PTPRD: variants seen among roughly 807,000 people sequenced by gnomAD.
PTPRD encodes the protein protein tyrosine phosphatase receptor type D, also known as receptor-type tyrosine-protein phosphatase delta.
In PTPRD, 34 loss-of-function variants were observed where a neutral mutation model predicts 214.5. The observed-to-expected ratio is 0.16, with a 90% CI of 0.12 to 0.21. The LOEUF (loss-of-function observed/expected upper bound fraction) is 0.21, where lower values mean the gene tolerates loss of function less well. Ranked by LOEUF, PTPRD falls within the 10% of genes least tolerant of loss-of-function variation. PTPRD has a pLI of 1.00. For missense variants in PTPRD, 2,545 were observed against 2,398.7 expected, an observed-to-expected ratio of 1.06 and a Z score of -1.27; for synonymous variants, 1,128 against 845.7, an observed-to-expected ratio of 1.33 and a Z score of -5.79.
At chr9:10,044,973 C>T (rs1459424375) in intron 3 of PTPRD, among the ~76,000 whole-genome samples, 1 of 151,614 alleles carries the variant, frequency 6.6e-6, no homozygotes, top group Non-Finnish European at 1.5e-5. Context: ...GAATCTCTTT[C>T]ATATTGCAGC....
chr9:10,230,086 A>G (rs2154355348), intron 3 of PTPRD, among the ~76,000 whole-genome samples: 1 of 152,114 alleles, frequency 6.6e-6, no homozygotes, highest in African/African-American at 2.4e-5. Context: ...CAGAGACCTC[A>G]TGGATAATAC....
intron 3 of PTPRD, among the ~76,000 whole-genome samples, chr9:10,159,557 C>G (rs145369212): frequency 6.6e-6 from 1 of 151,892 alleles, no homozygotes; most frequent in Non-Finnish European, 1.5e-5. Context: ...TATATGAACT[C>G]CTTGATAAAT....
intron 14 of PTPRD, among the ~76,000 whole-genome samples, chr9:8,559,555 G>A (rs12006485): frequency 1.3e-5 from 2 of 152,038 alleles, no homozygotes; most frequent in African/African-American, 2.4e-5. Context: ...TTCCCATCAT[G>A]AGGACAAAGT....
At chr9:10,039,401 T>C (rs922886378) in intron 3 of PTPRD, among the ~76,000 whole-genome samples, 2 of 152,078 alleles carry the variant, frequency 1.3e-5, no homozygotes, top group African/African-American at 4.8e-5. Context: ...AGGACCTATA[T>C]GAGTTTTCTC....
In PTPRD at chr9:10,341,859, GTTCCATA is replaced by G. The variant is rs1440234460; in HGVS notation, c.-599-849_-599-843del. Among the ~76,000 whole-genome samples the G allele has an allele frequency of 2.9e-3, 442 of 151,928 alleles. 1 individual carries two copies. The highest frequency in any genetic ancestry group is 0.01 in the African/African-American group (419 of 41,448). ...CTTTTTTCCCCTCTCCTTTTATGTA[GTTCCATA>G]TGTATTGTTAATATTACTCAGCATA... On this transcript the variant is annotated intron_variant, in intron 2 of 45. Transcript: ENST00000381196.
At chr9:9,360,669 G>C (rs1044294678) in intron 9 of PTPRD, among the ~76,000 whole-genome samples, 1 of 151,176 alleles carries the variant, frequency 6.6e-6, no homozygotes, top group Middle Eastern at 3.4e-3. Flanking sequence ...AAATTAATAT[G>C]TAAAGGTAAA....
At chr9:9,956,230 G>T (rs1012343014) in intron 4 of PTPRD, among the ~76,000 whole-genome samples, 1 of 148,974 alleles carries the variant, frequency 6.7e-6, no homozygotes, top group Non-Finnish European at 1.5e-5. Flanking sequence ...AGGAAATAAT[G>T]TAAAAGAGAT....
At chr9:8,331,092 T>C (rs999483922) in intron 44 of PTPRD, among the ~76,000 whole-genome samples, 2 of 137,696 alleles carry the variant, frequency 1.5e-5, no homozygotes, top group Admixed American at 1.5e-4. Context: ...CATTTTCTGA[T>C]ATAGCAACAA....
intron 6 of PTPRD, among the ~76,000 whole-genome samples, chr9:9,751,507 A>G (rs1228874450): frequency 2.6e-5 from 4 of 152,178 alleles, no homozygotes; most frequent in Non-Finnish European, 5.9e-5. Flanking sequence ...CCTAACCACC[A>G]GTACCTCAGA....
chr9:9,500,286 G>C (rs1410566967), intron 8 of PTPRD, among the ~76,000 whole-genome samples: 1 of 152,110 alleles, frequency 6.6e-6, no homozygotes, highest in Non-Finnish European at 1.5e-5. Context: ...CAACAATAAA[G>C]TAGCACACAA....
At chr9:8,557,455 T>TACACACATACACATAC (rs1554784504) in intron 14 of PTPRD, among the ~76,000 whole-genome samples, 1 of 135,624 alleles carries the variant, frequency 7.4e-6, no homozygotes, top group African/African-American at 3.5e-5. Flanking sequence ...TATATATATA[T>TACACACATACACATAC]ATTTGGGCCG....
intron 4 of PTPRD, among the ~76,000 whole-genome samples, chr9:10,023,093 A>G (rs1244810824): frequency 6.6e-6 from 1 of 152,196 alleles, no homozygotes; most frequent in Non-Finnish European, 1.5e-5. Flanking sequence ...CTCAAATGAA[A>G]GGAAGATTTT....
At chr9:9,274,106 G>C (rs968178466) in intron 9 of PTPRD, among the ~76,000 whole-genome samples, 1 of 150,748 alleles carries the variant, frequency 6.6e-6, no homozygotes, top group African/African-American at 2.4e-5. Context: ...CTTTCACTTG[G>C]ATGTCCTCCT....
chr9:10,056,413 G>A (rs2097649850), intron 3 of PTPRD, among the ~76,000 whole-genome samples: 1 of 151,078 alleles, frequency 6.6e-6, no homozygotes, highest in African/African-American at 2.4e-5. Flanking sequence ...ATACCCACAG[G>A]AGGATAACCT....
chr9:9,086,581 T>A lies in PTPRD; in HGVS notation c.-142-67846A>T, dbSNP rs182689628. 9.9e-5 allele frequency among the ~76,000 whole-genome samples: 15 copies of A among 152,260 alleles called. No homozygotes were observed. The East Asian group carries it at 2.7e-3, about 27-fold the overall frequency. On this transcript the variant is annotated intron_variant, in intron 10 of 45. Coordinates refer to ENST00000381196, the MANE Select transcript of PTPRD (RefSeq NM_002839.4). ...CTTTTCAATCATTTAGCCACAACCA[T>A]CTTGTCCTCACCCCTCCCTGCAGCT...
In PTPRD at chr9:10,200,728, C is replaced by T. The variant is rs77784821; in HGVS notation, c.-545+140235G>A. Among the ~76,000 whole-genome samples, 4 of 152,140 alleles carry T rather than the reference C, an allele frequency of 2.6e-5. No individual in the cohort carries two copies. The East Asian group carries it at 7.7e-4, about 29-fold the overall frequency. ...TCATGCAGAGGAAGGGGATGAAAAA[C>T]ATTTGCAGAATGTTATAGCTAAGAT... On this transcript the variant is annotated intron_variant, in intron 3 of 45. Transcript: ENST00000381196.
chr9:10,364,135 G>C (rs2097462490), intron 2 of PTPRD, among the ~76,000 whole-genome samples: 1 of 151,374 alleles, frequency 6.6e-6, no homozygotes, highest in African/African-American at 2.4e-5. Flanking sequence ...GAGTAGCTGG[G>C]ACTACAGGCG....
chr9:10,220,470 T>C (rs1473897505), intron 3 of PTPRD, among the ~76,000 whole-genome samples: 1 of 151,932 alleles, frequency 6.6e-6, no homozygotes, highest in Non-Finnish European at 1.5e-5. Context: ...TAGAGTCCAG[T>C]TCTTTTCCAT....
rs532267480 is a variant in PTPRD at position 9,750,728 on chromosome 9, T to A, written c.-326+16082A>T. On this transcript the variant is annotated intron_variant, in intron 6 of 45. Transcript: ENST00000381196. ...AACATTTTCAATCACTAACAAGATA[T>A]CTTGAGGAAGGACAACTATGAACTC... Among the ~76,000 whole-genome samples the A allele has an allele frequency of 5.8e-4, 89 of 152,260 alleles. 1 individual carries two copies. Among genetic ancestry groups the A allele is most frequent in the African/African-American group, 2.0e-3 (85 of 41,570 alleles).
Sources: allele counts gnomAD v4.1 joint callset (sites outside exome capture counted in the v4.1 genomes callset), GRCh38; gene constraint gnomAD v4.1.1; transcripts MANE v1.5; gene names NCBI Gene and HGNC (gene_info 2026-07-23, HGNC 2026-07-21).